The following AGBL4 variants were observed in gnomAD, a reference collection of about 807,000 sequenced individuals.
AGBL4 encodes the protein cytosolic carboxypeptidase 6.
AGBL4 carries 58 observed loss-of-function variants against 66.4 expected under a neutral mutation model. That is an observed-to-expected ratio of 0.87 (90% CI 0.71 to 1.09). The LOEUF (loss-of-function observed/expected upper bound fraction) is 1.09. Among genes scored for constraint, AGBL4 ranks in the 50% least tolerant of loss-of-function variants. The pLI is 0.00. For missense variants in AGBL4, 579 were observed against 631.0 expected (o/e 0.92, Z 0.88); for synonymous variants, 234 against 222.9 (o/e 1.05, Z -0.44).
chr1:49,046,615 T>C (rs749105958), intron 4 of AGBL4, among the ~76,000 whole-genome samples: 1 of 152,194 alleles, frequency 6.6e-6, no homozygotes, highest in South Asian at 2.1e-4. Flanking sequence ...ATTTATGATA[T>C]CCAACCTCTT....
chr1:48,657,181 T>G (rs902892010), intron 7 of AGBL4, among the ~76,000 whole-genome samples: 2 of 152,194 alleles, frequency 1.3e-5, no homozygotes, highest in African/African-American at 4.8e-5. Flanking sequence ...TTCCCCAGGT[T>G]CCTCATCAAT....
At chr1:49,492,716 C>A (rs1013796800) in intron 3 of AGBL4, among the ~76,000 whole-genome samples, 31 of 151,866 alleles carry the variant, frequency 2.0e-4, no homozygotes, top group African/African-American at 5.8e-4. Context: ...GATCCAGGAG[C>A]TTTTCATCTC....
intron 4 of AGBL4, among the ~76,000 whole-genome samples, chr1:49,215,370 C>T (rs1192259311): frequency 6.6e-6 from 1 of 152,038 alleles, no homozygotes; most frequent in African/African-American, 2.4e-5. Flanking sequence ...ATGAATATTC[C>T]TCCTGCACAT....
chr1:49,315,528 G>T (rs1287118870), intron 3 of AGBL4, among the ~76,000 whole-genome samples: 1 of 151,812 alleles, frequency 6.6e-6, no homozygotes, highest in Non-Finnish European at 1.5e-5. Context: ...AATCTACAAA[G>T]AACTTAAACA....
intron 5 of AGBL4, among the ~76,000 whole-genome samples, chr1:48,876,429 G>A (rs1649234870): frequency 6.6e-6 from 1 of 152,162 alleles, no homozygotes; most frequent in Non-Finnish European, 1.5e-5. Flanking sequence ...GCGAGAGGAA[G>A]GCCGTTCCAG....
At chr1:49,485,779 T>C (rs1456588897) in intron 3 of AGBL4, among the ~76,000 whole-genome samples, 1 of 151,718 alleles carries the variant, frequency 6.6e-6, no homozygotes, top group African/African-American at 2.4e-5. Context: ...AAACAGTTGA[T>C]CTCAGGAGAC....
intron 2 of AGBL4, chr1:49,845,123 C>A (rs1173864635): frequency 7.0e-7 from 1 of 1,420,602 alleles, no homozygotes; most frequent in African/African-American, 1.4e-5. Context: ...TCAGCACTTA[C>A]CCAACACCAC....
chr1:49,511,613 AAT>A (rs1491291460), intron 3 of AGBL4, among the ~76,000 whole-genome samples: 2 of 151,860 alleles, frequency 1.3e-5, no homozygotes, highest in African/African-American at 4.8e-5. Context: ...AATTAAAAAA[AAT>A]TTTTTTTTAA....
chr1:49,936,546 A>G (rs1287421606), intron 1 of AGBL4, among the ~76,000 whole-genome samples: 1 of 152,190 alleles, frequency 6.6e-6, no homozygotes, highest in Non-Finnish European at 1.5e-5. Flanking sequence ...CAGATTCACC[A>G]AAGTTGAAAT....
the AGBL4 span, among the ~76,000 whole-genome samples, chr1:48,527,788 A>T: frequency 6.6e-6 from 1 of 152,142 alleles, no homozygotes; most frequent in Non-Finnish European, 1.5e-5. Context: ...AGAGAGAACA[A>T]GCAGGAATAA....
At chr1:49,534,984 G>A (rs566094782) in intron 3 of AGBL4, among the ~76,000 whole-genome samples, 6 of 152,266 alleles carry the variant, frequency 3.9e-5, no homozygotes, top group African/African-American at 1.4e-4. Flanking sequence ...CCTAGCCCCA[G>A]GCTGCACAGC....
At chr1:49,736,966 C>A (rs1290907502) in intron 2 of AGBL4, among the ~76,000 whole-genome samples, 2 of 151,986 alleles carry the variant, frequency 1.3e-5, no homozygotes, top group Non-Finnish European at 2.9e-5. Flanking sequence ...CTATGAGATA[C>A]CATCTGACAC....
chr1:48,743,502 A>T (rs1650257128), intron 6 of AGBL4, among the ~76,000 whole-genome samples: 1 of 152,258 alleles, frequency 6.6e-6, no homozygotes, highest in African/African-American at 2.4e-5. Flanking sequence ...GCAGAGAAAC[A>T]GGATGAAAAT....
intron 2 of AGBL4, among the ~76,000 whole-genome samples, chr1:49,720,161 C>T (rs1052014002): frequency 6.6e-6 from 1 of 151,942 alleles, no homozygotes; most frequent in African/African-American, 2.4e-5. Context: ...GGTTGAGCAT[C>T]CCAAATATAA....
At chr1:49,125,491 T>A (rs1449839872) in intron 4 of AGBL4, among the ~76,000 whole-genome samples, 2 of 152,164 alleles carry the variant, frequency 1.3e-5, no homozygotes, top group Non-Finnish European at 2.9e-5. Context: ...GAACTAGGGC[T>A]GTGCTCATCA....
At chr1:48,891,152 C>G (rs1011320128) in intron 5 of AGBL4, among the ~76,000 whole-genome samples, 1 of 152,092 alleles carries the variant, frequency 6.6e-6, no homozygotes, top group Non-Finnish European at 1.5e-5. Context: ...ATTACAGTAG[C>G]CTGCCATGAA....
intron 6 of AGBL4, 71 bp from the exon 7 acceptor site, chr1:48,663,312 AG>A: frequency 7.0e-7 from 1 of 1,437,424 alleles, no homozygotes; most frequent in Non-Finnish European, 9.8e-7. Flanking sequence ...GGTGTGTGGC[AG>A]GGAACCCCAG....
chr1:49,821,652 C>G (rs994505105), intron 2 of AGBL4, among the ~76,000 whole-genome samples: 19 of 152,262 alleles, frequency 1.2e-4, no homozygotes, highest in Non-Finnish European at 2.4e-4. Context: ...GAAGTAAAGA[C>G]ATTTGGTATG....
intron 6 of AGBL4, among the ~76,000 whole-genome samples, chr1:48,671,358 C>G (rs1219114381): frequency 6.6e-6 from 1 of 152,248 alleles, no homozygotes; most frequent in Non-Finnish European, 1.5e-5. Context: ...AAGTCAGACA[C>G]TGTCCCTGCC....
Sources: gnomAD v4.1 joint callset for allele counts (sites outside exome capture counted in the v4.1 genomes callset) on GRCh38, gnomAD v4.1.1 for gene constraint, MANE v1.5 for transcripts, NCBI Gene and HGNC (gene_info 2026-07-23, HGNC 2026-07-21) for gene names.